Variants in ESRRG observed in about 807,000 individuals in gnomAD.
The protein encoded by ESRRG is estrogen-related receptor gamma.
Under a neutral mutation model 44.0 loss-of-function variants are expected in ESRRG, and 13 were observed. The observed-to-expected ratio is 0.30, with a 90% CI of 0.19 to 0.47. The LOEUF (loss-of-function observed/expected upper bound fraction) is 0.47. Ranked by LOEUF, ESRRG falls within the 20% of genes least tolerant of loss-of-function variation. The pLI, the probability that ESRRG is intolerant of heterozygous loss-of-function variation, is 1.00. For synonymous variants in ESRRG, 215 were observed against 214.6 expected (o/e 1.00, Z -0.02); for missense variants, 395 against 580.6 (o/e 0.68, Z 3.29).
At chr1:216,632,986 AAGAG>A (rs138135698) in intron 3 of ESRRG, among the ~76,000 whole-genome samples, 2 of 151,112 alleles carry the variant, frequency 1.3e-5, no homozygotes, top group African/African-American at 4.9e-5. Flanking sequence ...TTTTAAGAGG[AAGAG>A]AGAGAGAGAG....
At chr1:216,896,572 T>C (rs575746734) in intron 2 of ESRRG, among the ~76,000 whole-genome samples, 7 of 152,164 alleles carry the variant, frequency 4.6e-5, no homozygotes, top group Non-Finnish European at 1.0e-4. Flanking sequence ...CCAAAGACCA[T>C]ATTCTTTAAA....
intron 2 of ESRRG, among the ~76,000 whole-genome samples, chr1:216,674,292 C>G (rs1195061405): frequency 2.0e-5 from 3 of 152,138 alleles, no homozygotes; most frequent in Non-Finnish European, 4.4e-5. Context: ...TTTTAGCTTT[C>G]TCGCTTTCCA....
At chr1:216,818,568 C>T (rs2095213729) in intron 2 of ESRRG, among the ~76,000 whole-genome samples, 1 of 152,108 alleles carries the variant, frequency 6.6e-6, no homozygotes, top group African/African-American at 2.4e-5. Flanking sequence ...GAATTAGCAG[C>T]TATCTTCCAG....
chr1:216,933,271 C>A (rs2063632613), intron 2 of ESRRG, among the ~76,000 whole-genome samples: 1 of 152,086 alleles, frequency 6.6e-6, no homozygotes, highest in South Asian at 2.1e-4. Flanking sequence ...CCAATTATTT[C>A]TAAATGGACT....
At chr1:216,513,289 G>A (rs2043252163) in intron 6 of ESRRG, among the ~76,000 whole-genome samples, 1 of 152,178 alleles carries the variant, frequency 6.6e-6, no homozygotes, top group African/African-American at 2.4e-5. Context: ...TTCTTTGGCG[G>A]CTGTAGAAAC....
chr1:217,014,678 A>G (rs1468834357), intron 1 of ESRRG, among the ~76,000 whole-genome samples: 1 of 152,206 alleles, frequency 6.6e-6, no homozygotes, highest in East Asian at 1.9e-4. Flanking sequence ...TGCTTTATTT[A>G]CTGGGCAACT....
chr1:216,561,378 A>G (rs780355869), intron 5 of ESRRG, among the ~76,000 whole-genome samples: 1 of 152,206 alleles, frequency 6.6e-6, no homozygotes, highest in African/African-American at 2.4e-5. Flanking sequence ...ACTTCACTTT[A>G]ACATAAGCTT....
intron 1 of ESRRG, among the ~76,000 whole-genome samples, chr1:217,098,373 TACA>T (rs2092456714): frequency 6.6e-6 from 1 of 152,188 alleles, no homozygotes; most frequent in African/African-American, 2.4e-5. Context: ...ATTTACTCTT[TACA>T]ACAAGCCTGC....
intron 2 of ESRRG, among the ~76,000 whole-genome samples, chr1:216,800,013 C>A (rs2094571705): frequency 6.6e-6 from 1 of 152,064 alleles, no homozygotes; most frequent in South Asian, 2.1e-4. Context: ...GGAGAGGAAT[C>A]TCAGCACTCA....
At chr1:216,658,662 AAT>A (rs1351988556) in intron 2 of ESRRG, among the ~76,000 whole-genome samples, 1 of 66,970 alleles carries the variant, frequency 1.5e-5, no homozygotes, top group Non-Finnish European at 3.2e-5. Flanking sequence ...CTCTACTAAA[AAT>A]ACAAAAAAAA....
At chr1:216,832,704 C>T (rs375921790) in intron 2 of ESRRG, among the ~76,000 whole-genome samples, 12 of 152,206 alleles carry the variant, frequency 7.9e-5, no homozygotes, top group South Asian at 2.1e-4. Flanking sequence ...TGGCTCATGC[C>T]GGTAATACTA....
At position 216,564,154 on chromosome 1, in the gene ESRRG, C is replaced by A. The variant is rs2059274004; in HGVS notation, c.862+65G>T. The A allele has an allele frequency of 3.0e-6, 3 of 1,016,510 alleles. No homozygotes were observed. The Admixed American group carries it at 8.3e-5, about 28-fold the overall frequency. 63.0% of individuals were successfully genotyped at this position (1,016,510 alleles called of 1,614,324 possible). ...GAGAAAAATTTGAATTCACCCAAAT[C>A]TATATACATAACCTAGGGAATTAAT... On this transcript the variant is annotated intron_variant, in intron 5 of 6. Transcript: ENST00000408911.
intron 3 of ESRRG, among the ~76,000 whole-genome samples, chr1:216,604,161 T>C (rs939862892): frequency 6.6e-6 from 1 of 152,180 alleles, no homozygotes; most frequent in African/African-American, 2.4e-5. Context: ...ATGAAAACTT[T>C]GGTCCAAAGG....
chr1:216,840,415 G>A (rs2148862412), intron 2 of ESRRG, among the ~76,000 whole-genome samples: 1 of 152,272 alleles, frequency 6.6e-6, no homozygotes, highest in East Asian at 1.9e-4. Context: ...GTTGTGGCTG[G>A]TTTGATCTTC....
chr1:216,706,193 C>T (rs764617942), intron 1 of ESRRG, among the ~76,000 whole-genome samples: 23 of 152,000 alleles, frequency 1.5e-4, no homozygotes, highest in Non-Finnish European at 3.2e-4. Flanking sequence ...AAACAGTCCA[C>T]CTCAGCTTTA....
At chr1:217,047,041 T>C (rs138216651) in intron 1 of ESRRG, among the ~76,000 whole-genome samples, 6 of 152,182 alleles carry the variant, frequency 3.9e-5, no homozygotes, top group Admixed American at 6.5e-5. Context: ...TGATCAGCCA[T>C]GGGATATGCC....
intron 2 of ESRRG, among the ~76,000 whole-genome samples, chr1:216,868,393 A>G (rs1257153905): frequency 6.6e-6 from 1 of 152,090 alleles, no homozygotes; most frequent in Non-Finnish European, 1.5e-5. Flanking sequence ...CGCCAGGCAG[A>G]TAGTTTGTTC....
At chr1:216,990,443 T>C (rs2075512995) in intron 1 of ESRRG, among the ~76,000 whole-genome samples, 1 of 152,194 alleles carries the variant, frequency 6.6e-6, no homozygotes, top group South Asian at 2.1e-4. Context: ...TTTTGTATCC[T>C]AAAGTTTAGC....
intron 2 of ESRRG, among the ~76,000 whole-genome samples, chr1:216,801,094 C>T (rs2094601702): frequency 6.6e-6 from 1 of 151,940 alleles, no homozygotes; most frequent in South Asian, 2.1e-4. Context: ...TCACAGTTGC[C>T]CATTTTTTAT....
Sources: gnomAD v4.1 joint callset for allele counts (sites outside exome capture counted in the v4.1 genomes callset) on GRCh38, gnomAD v4.1.1 for gene constraint, MANE v1.5 for transcripts, NCBI Gene and HGNC (gene_info 2026-07-23, HGNC 2026-07-21) for gene names.